Variants in PTPRK observed in about 807,000 individuals in gnomAD.
PTPRK encodes protein tyrosine phosphatase receptor type K, also known as receptor-type tyrosine-protein phosphatase kappa.
PTPRK carries 75 observed loss-of-function variants against 178.0 expected under a neutral mutation model. The observed-to-expected ratio is 0.42, with a 90% CI of 0.35 to 0.51. The LOEUF is 0.51. PTPRK is among the 20% of genes least tolerant of loss of function. The pLI is 0.02. For synonymous variants in PTPRK, 637 were observed against 620.6 expected, an observed-to-expected ratio of 1.03 and a Z score of -0.39; for missense variants, 1,441 against 1,797.8, an observed-to-expected ratio of 0.80 and a Z score of 3.59.
chr6:128,453,280 A>T (rs1456499124), intron 1 of PTPRK, among the ~76,000 whole-genome samples: 1 of 152,208 alleles, frequency 6.6e-6, no homozygotes, highest in African/African-American at 2.4e-5. Context: ...CTCTGAGAAG[A>T]GCAGAGAATT....
intron 29 of PTPRK, 59 bp from the exon 30 acceptor site, chr6:127,970,339 AAC>A (rs1190470914): frequency 1.5e-6 from 2 of 1,373,618 alleles, no homozygotes; most frequent in African/African-American, 2.9e-5. Context: ...AATGTTGAAT[AAC>A]AGTTACCAAA....
At chr6:128,210,388 A>G (rs1279797316) in intron 6 of PTPRK, among the ~76,000 whole-genome samples, 2 of 149,850 alleles carry the variant, frequency 1.3e-5, no homozygotes, top group Non-Finnish European at 3.0e-5. Flanking sequence ...AAACAGTAAA[A>G]CAAAATCAAT....
intron 2 of PTPRK, among the ~76,000 whole-genome samples, chr6:128,328,289 C>A (rs538193293): frequency 6.6e-6 from 1 of 152,172 alleles, no homozygotes; most frequent in Admixed American, 6.5e-5. Context: ...AAATTTTAAG[C>A]TCCGGGGCAA....
chr6:128,034,034 G>A (rs1345295629), intron 13 of PTPRK, among the ~76,000 whole-genome samples: 3 of 152,002 alleles, frequency 2.0e-5, no homozygotes, highest in African/African-American at 4.8e-5. Flanking sequence ...GATATACTTC[G>A]GTACACTTAG....
chr6:128,216,782 A>G (rs1562807408), intron 6 of PTPRK, among the ~76,000 whole-genome samples: 1 of 151,022 alleles, frequency 6.6e-6, no homozygotes, highest in Non-Finnish European at 1.5e-5. Flanking sequence ...AACAGGCAGA[A>G]AATGTTCGCA....
intron 1 of PTPRK, among the ~76,000 whole-genome samples, chr6:128,491,014 G>A (rs1853690358): frequency 6.6e-6 from 1 of 152,152 alleles, no homozygotes; most frequent in Non-Finnish European, 1.5e-5. Context: ...TCACATTGGG[G>A]GTTAGGGCTT....
chr6:128,248,886 A>T (rs1815961344), intron 3 of PTPRK, among the ~76,000 whole-genome samples: 1 of 152,214 alleles, frequency 6.6e-6, no homozygotes, highest in Non-Finnish European at 1.5e-5. Context: ...TTGTTTAGAT[A>T]TTGAGGATAA....
At chr6:128,493,495 G>A (rs575646066) in intron 1 of PTPRK, among the ~76,000 whole-genome samples, 3 of 151,688 alleles carry the variant, frequency 2.0e-5, no homozygotes, top group East Asian at 3.9e-4. Context: ...CCGGGAGGCA[G>A]AGCTTGCAGT....
intron 15 of PTPRK, among the ~76,000 whole-genome samples, chr6:128,004,676 A>C (rs1778220208): frequency 6.6e-6 from 1 of 151,876 alleles, no homozygotes; most frequent in Non-Finnish European, 1.5e-5. Flanking sequence ...ATAATTCCCA[A>C]AAAGAATTAC....
At chr6:128,353,492 A>G (rs188965950) in intron 2 of PTPRK, among the ~76,000 whole-genome samples, 1 of 152,354 alleles carries the variant, frequency 6.6e-6, no homozygotes, top group Non-Finnish European at 1.5e-5. Context: ...TTAAATAAAT[A>G]ATGGCATACA....
chr6:128,112,960 A>C (rs1044822993), intron 7 of PTPRK, among the ~76,000 whole-genome samples: 1 of 151,992 alleles, frequency 6.6e-6, no homozygotes, highest in Non-Finnish European at 1.5e-5. Context: ...CTACTCACTT[A>C]CTCAAACCTG....
chr6:128,234,371 G>A (rs892261990), intron 5 of PTPRK, among the ~76,000 whole-genome samples: 1 of 151,916 alleles, frequency 6.6e-6, no homozygotes, highest in African/African-American at 2.4e-5. Context: ...TTAGTAAATT[G>A]GACAGATCTT....
chr6:128,399,629 T>A (rs1255397292), intron 1 of PTPRK, among the ~76,000 whole-genome samples: 2 of 152,248 alleles, frequency 1.3e-5, no homozygotes, highest in African/African-American at 4.8e-5. Flanking sequence ...TACTGCTTTG[T>A]AACACAGGCC....
chr6:128,116,538 A>G (rs1791553405), intron 7 of PTPRK, among the ~76,000 whole-genome samples: 1 of 152,250 alleles, frequency 6.6e-6, no homozygotes, highest in Non-Finnish European at 1.5e-5. Context: ...GGTGCAACCA[A>G]AGAGACAAGA....
chr6:128,162,204 C>CT (rs1020249843), intron 7 of PTPRK, among the ~76,000 whole-genome samples: 2 of 151,482 alleles, frequency 1.3e-5, no homozygotes, highest in Admixed American at 6.6e-5. Context: ...GCAGATGAAC[C>CT]TTTTTTTATA....
intron 7 of PTPRK, among the ~76,000 whole-genome samples, chr6:128,118,739 T>C (rs1791973514): frequency 6.6e-6 from 1 of 152,178 alleles, no homozygotes; most frequent in South Asian, 2.1e-4. Context: ...AACATTAACC[T>C]TTTTCCACTT....
intron 1 of PTPRK, among the ~76,000 whole-genome samples, chr6:128,455,813 T>C (rs1848315425): frequency 6.6e-6 from 1 of 152,024 alleles, no homozygotes; most frequent in Non-Finnish European, 1.5e-5. Flanking sequence ...AGTTAGAAAA[T>C]ACTTTCCTCC....
At chr6:128,023,481 A>T (rs1773830366) in intron 13 of PTPRK, among the ~76,000 whole-genome samples, 1 of 152,082 alleles carries the variant, frequency 6.6e-6, no homozygotes, top group South Asian at 2.1e-4. Context: ...TCTTCTTAAC[A>T]TTCAGATTTA....
intron 18 of PTPRK, 129 bp from the exon 19 acceptor site, chr6:127,992,838 G>A: frequency 1.5e-6 from 1 of 655,836 alleles, no homozygotes; most frequent in Non-Finnish European, 2.5e-6. Context: ...AATGAGTAGT[G>A]AACACATAGT....
Sources: gnomAD v4.1 joint callset for allele counts (sites outside exome capture counted in the v4.1 genomes callset) on GRCh38, gnomAD v4.1.1 for gene constraint, MANE v1.5 for transcripts, NCBI Gene and HGNC (gene_info 2026-07-23, HGNC 2026-07-21) for gene names.